OTUD4: variants seen among roughly 807,000 people sequenced by gnomAD.
The protein encoded by OTUD4 is OTU domain-containing protein 4.
OTUD4 carries 24 observed loss-of-function variants against 130.4 expected under a neutral mutation model. That is an observed-to-expected ratio of 0.18 (90% CI 0.13 to 0.26). The LOEUF (loss-of-function observed/expected upper bound fraction) is 0.26. Ranked by LOEUF, OTUD4 falls within the 10% of genes least tolerant of loss-of-function variation. The pLI, the probability that OTUD4 is intolerant of heterozygous loss-of-function variation, is 1.00. For missense variants in OTUD4, 1,031 were observed against 1,329.4 expected (o/e 0.78, Z 3.49); for synonymous variants, 420 against 472.5 (o/e 0.89, Z 1.44).
intron 13 of OTUD4, among the ~76,000 whole-genome samples, chr4:145,146,688 G>A (rs1750844220): frequency 1.3e-5 from 2 of 152,024 alleles, no homozygotes; most frequent in Admixed American, 6.6e-5. Context: ...AAGACAAACA[G>A]CAATGGGAGG....
Position 145,134,029 on chromosome 4 carries a change from A to G in OTUD4, c.*3401T>C, listed in dbSNP as rs1750123877. 1 of 152,632 alleles carries G rather than the reference A, an allele frequency of 6.6e-6. No individual in the cohort carries two copies. Among genetic ancestry groups the G allele is most frequent in the Non-Finnish European group, 1.5e-5 (1 of 68,040 alleles). 9.5% of individuals were successfully genotyped at this position (152,632 alleles called of 1,614,324 possible). A position where few individuals can be genotyped will look rare whatever the true frequency, so the allele number is the denominator to read the frequency against. ...ATGCAATTTTTAATCCATTCAAGTAAGTTCAACCCCAAAGTTGCCGCTTCC... is the reference window on the plus strand; with the variant it reads ...ATGCAATTTTTAATCCATTCAAGTAGGTTCAACCCCAAAGTTGCCGCTTCC... On this transcript the variant is annotated 3_prime_UTR_variant, in exon 21 of 21. Transcript: ENST00000447906.
intron 5 of OTUD4, 47 bp downstream of exon 5, chr4:145,164,107 G>C (rs772039974): frequency 1.2e-6 from 1 of 800,066 alleles, no homozygotes; most frequent in South Asian, 1.6e-5. Flanking sequence ...TAGCAACTAA[G>C]CGGTTCTTTT....
chr4:145,175,372 T>C (rs1478600730), intron 1 of OTUD4, among the ~76,000 whole-genome samples: 2 of 152,136 alleles, frequency 1.3e-5, no homozygotes, highest in Admixed American at 6.5e-5. Context: ...CCCAAGAGGT[T>C]TGGGGTTTGT....
chr4:145,138,444 A>G lies in OTUD4; in HGVS notation c.2331T>C (p.Asn777=). ...CAATCTCTGGCTGTGGCATTTGACC[A>G]TTAACACTGGCCTCAGTCTGCATAG... ...HFPMQTEASV[N]GQMPQPEIGP... The change falls in exon 21 of 21, where the codon AAT becomes AAC. Residue 777 remains asparagine, a synonymous_variant. Coordinates refer to ENST00000447906, the MANE Select transcript of OTUD4 (RefSeq NM_001366057.1). 1 of 1,614,224 alleles carries G rather than the reference A, an allele frequency of 6.2e-7. No individual in the cohort carries two copies. Among genetic ancestry groups the G allele is most frequent in the Non-Finnish European group, 8.5e-7 (1 of 1,180,052 alleles).
chr4:145,174,429 A>G (rs888146301), intron 2 of OTUD4, among the ~76,000 whole-genome samples: 8 of 152,192 alleles, frequency 5.3e-5, no homozygotes, highest in African/African-American at 1.9e-4. Context: ...TCAGCGTCTT[A>G]TCCATCATAG....
Position 145,159,768 on chromosome 4 carries a change from T to C in OTUD4, c.497-133A>G, listed in dbSNP as rs140844443. 3.2e-4 allele frequency: 250 copies of C among 776,622 alleles called. 4 individuals are homozygous for C. In the East Asian group the frequency reaches 6.3e-3, roughly 20 times the overall value. The allele number at this position is 776,622 out of a possible 1,614,324, so 48.1% of individuals were successfully genotyped here. On this transcript the variant is annotated intron_variant, in intron 6 of 20. Transcript: ENST00000447906. ...CTGACTAGATATCTGCTAAACCTTA[T>C]GGTCAATAACATAATTTTATCAGAA...
intron 13 of OTUD4, chr4:145,149,660 C>G (rs2126759192): frequency 6.6e-6 from 1 of 152,326 alleles, no homozygotes; most frequent in Admixed American, 6.5e-5. Flanking sequence ...TATACATCTT[C>G]AGTGACAAAA....
intron 9 of OTUD4, 36 bp from the exon 10 acceptor site, chr4:145,155,511 T>G: frequency 6.2e-7 from 1 of 1,600,038 alleles, no homozygotes; most frequent in Non-Finnish European, 8.5e-7. Flanking sequence ...AATATAAAGT[T>G]GACTTATTTT....
At chr4:145,170,553 T>G (rs895802341) in intron 3 of OTUD4, among the ~76,000 whole-genome samples, 1 of 152,364 alleles carries the variant, frequency 6.6e-6, no homozygotes, top group African/African-American at 2.4e-5. Flanking sequence ...ATATACCTCT[T>G]GTGACAAATC....
At chr4:145,177,947 C>G (rs1752503273) in intron 1 of OTUD4, among the ~76,000 whole-genome samples, 1 of 152,156 alleles carries the variant, frequency 6.6e-6, no homozygotes, top group African/African-American at 2.4e-5. Context: ...TTTTCCCACA[C>G]ACACACACTT....
intron 1 of OTUD4, among the ~76,000 whole-genome samples, chr4:145,177,944 A>C (rs957355073): frequency 1.3e-4 from 20 of 151,988 alleles, no homozygotes; most frequent in African/African-American, 4.6e-4. Context: ...CCTTTTTCCC[A>C]CACACACACA....
intron 1 of OTUD4, among the ~76,000 whole-genome samples, chr4:145,177,021 T>C (rs1179168582): frequency 1.3e-5 from 2 of 152,262 alleles, no homozygotes; most frequent in African/African-American, 2.4e-5. Flanking sequence ...TCTAAGAGTA[T>C]GTGACCAAAA....
At position 145,136,350 on chromosome 4, in the gene OTUD4, A is replaced by G. The variant is rs1293542261; in HGVS notation, c.*1080T>C. On this transcript the variant is annotated 3_prime_UTR_variant, in exon 21 of 21. Transcript: ENST00000447906. Reference sequence around the variant, plus strand: ...CAAAGCAAAACCATTTTCTAGCAGCATCCTCTAGAAAAGAACTAGAAGTCA... The same window carrying G: ...CAAAGCAAAACCATTTTCTAGCAGCGTCCTCTAGAAAAGAACTAGAAGTCA... The G allele has an allele frequency of 6.6e-6, 1 of 151,258 alleles. No homozygotes were observed. The highest frequency in any genetic ancestry group is 1.5e-5 in the Non-Finnish European group (1 of 67,768). The allele number at this position is 151,258 out of a possible 1,614,324, so 9.4% of individuals were successfully genotyped here. A position where few individuals can be genotyped will look rare whatever the true frequency, so the allele number is the denominator to read the frequency against.
In OTUD4 at chr4:145,141,190, T is replaced by A. The variant is rs1032163099; in HGVS notation, c.2083+189A>T. On this transcript the variant is annotated intron_variant, in intron 19 of 20. Transcript: ENST00000447906. ...TCTCAAAAAAAAAAAAAAAAAAAAA[T>A]TATAATACATTTTCTAATAAATCAA... 1.3e-3 allele frequency among the ~76,000 whole-genome samples: 187 copies of A among 144,672 alleles called. 1 individual carries two copies. Among genetic ancestry groups the A allele is most frequent in the African/African-American group, 4.7e-3 (177 of 38,046 alleles). The allele number at this position is 144,672 out of a possible 152,430, so 94.9% of individuals were successfully genotyped here.
chr4:145,156,145 T>A (rs1579264539), intron 7 of OTUD4, 149 bp from the exon 8 acceptor site: 2 of 576,122 alleles, frequency 3.5e-6, no homozygotes, highest in East Asian at 5.8e-5. Flanking sequence ...TACAAGTATA[T>A]CTATATATAA....
intron 15 of OTUD4, 104 bp from the exon 16 acceptor site, chr4:145,144,105 C>T: frequency 2.7e-6 from 3 of 1,110,952 alleles, no homozygotes; most frequent in Non-Finnish European, 4.0e-6. Flanking sequence ...ATTATTTGAA[C>T]CATGTTTAGT....
intron 7 of OTUD4, 48 bp from the exon 8 acceptor site, chr4:145,156,044 G>C (rs374539725): frequency 1.4e-6 from 2 of 1,449,330 alleles, no homozygotes; most frequent in African/African-American, 1.4e-5. Flanking sequence ...GTATTTGCAC[G>C]TAATTACCTT....
intron 1 of OTUD4, chr4:145,179,469 G>A (rs1752582891): frequency 5.9e-6 from 2 of 338,714 alleles, no homozygotes; most frequent in Non-Finnish European, 9.2e-6. Context: ...ACGAAGGGAA[G>A]GAAGGTGAAT....
At chr4:145,144,085 A>C in intron 15 of OTUD4, 84 bp from the exon 16 acceptor site, 2 of 1,193,778 alleles carry the variant, frequency 1.7e-6, no homozygotes, top group Non-Finnish European at 2.4e-6. Context: ...AGATAGAAGA[A>C]GCCAAAAGTA....
Sources: gnomAD v4.1 joint callset for allele counts (sites outside exome capture counted in the v4.1 genomes callset) on GRCh38, gnomAD v4.1.1 for gene constraint, MANE v1.5 for transcripts, NCBI Gene and HGNC (gene_info 2026-07-23, HGNC 2026-07-21) for gene names.